PRKD1: variants seen among roughly 807,000 people sequenced by gnomAD.
PRKD1 encodes serine/threonine-protein kinase D1.
In PRKD1, 63 loss-of-function variants were observed where a neutral mutation model predicts 95.9. The ratio of observed to expected loss-of-function variants is 0.66; its 90% confidence interval spans 0.54 to 0.81. The LOEUF is 0.81. Ranked by LOEUF, PRKD1 falls within the 30% of genes least tolerant of loss-of-function variation. The pLI is 0.00. For synonymous variants in PRKD1, 425 were observed against 423.1 expected (o/e 1.00, Z -0.05); for missense variants, 1,048 against 1,165.3 (o/e 0.90, Z 1.47).
intron 16 of PRKD1, among the ~76,000 whole-genome samples, chr14:29,585,947 C>G (rs1594339519): frequency 6.6e-6 from 1 of 152,144 alleles, no homozygotes; most frequent in Non-Finnish European, 1.5e-5. Context: ...CATGACTGTG[C>G]TAAGTAGTGC....
intron 1 of PRKD1, among the ~76,000 whole-genome samples, chr14:29,895,072 C>T (rs1894075457): frequency 6.6e-6 from 1 of 152,220 alleles, no homozygotes; most frequent in Non-Finnish European, 1.5e-5. Flanking sequence ...TGGCTCACGC[C>T]TGTAATCCCA....
chr14:29,832,284 C>T (rs1315778546), intron 1 of PRKD1, among the ~76,000 whole-genome samples: 1 of 152,122 alleles, frequency 6.6e-6, no homozygotes, highest in Non-Finnish European at 1.5e-5. Context: ...TGAAATGTTG[C>T]TCTCATCCTT....
chr14:29,656,537 G>C lies in PRKD1; in HGVS notation c.696+7162C>G, dbSNP rs776128745. 2.6e-4 allele frequency: 394 copies of C among 1,530,348 alleles called. 1 individual carries two copies. In the Middle Eastern group the frequency reaches 3.0e-3, roughly 12 times the overall value. 94.8% of individuals were successfully genotyped at this position (1,530,348 alleles called of 1,614,324 possible). ...GTTGTAAGAGCAAAAAGCAGGCAAA[G>C]GTGCAGAATCAAAGGAGAAAAAGAC... On this transcript the variant is annotated intron_variant, in intron 4 of 17. Coordinates refer to ENST00000331968, the MANE Select transcript of PRKD1 (RefSeq NM_002742.3).
chr14:29,814,839 G>A (rs1890628826), intron 1 of PRKD1, among the ~76,000 whole-genome samples: 3 of 152,152 alleles, frequency 2.0e-5, no homozygotes, highest in Non-Finnish European at 2.9e-5. Context: ...TTAATTAGCT[G>A]TATGCAAAAT....
Position 29,577,030 on chromosome 14 carries a change from T to C in PRKD1, c.*208A>G. On this transcript the variant is annotated 3_prime_UTR_variant, in exon 18 of 18. Coordinates refer to ENST00000331968, the MANE Select transcript of PRKD1 (RefSeq NM_002742.3). ...AACAAGTTTCGTGTTTCAGGGAACT[T>C]TTGTTAATACAACACAGTTGGTCAC... 1.7e-6 allele frequency: 1 copy of C among 599,208 alleles called. No individual in the cohort carries two copies. Among genetic ancestry groups the C allele is most frequent in the South Asian group, 2.1e-5 (1 of 47,254 alleles). The allele number at this position is 599,208 out of a possible 1,614,324, so 37.1% of individuals were successfully genotyped here. A position where few individuals can be genotyped will look rare whatever the true frequency, so the allele number is the denominator to read the frequency against.
At chr14:29,917,882 G>C (rs1894945894) in intron 1 of PRKD1, among the ~76,000 whole-genome samples, 1 of 152,092 alleles carries the variant, frequency 6.6e-6, no homozygotes, top group South Asian at 2.1e-4. Flanking sequence ...TGAAGAGTAT[G>C]ATTATAGCAA....
chr14:29,797,216 T>G (rs925235249), intron 1 of PRKD1, among the ~76,000 whole-genome samples: 1 of 152,138 alleles, frequency 6.6e-6, no homozygotes, highest in African/African-American at 2.4e-5. Context: ...AGGGACTACT[T>G]CAAGAACAGG....
At chr14:29,591,886 T>TTTCCTG (rs1474600119) in intron 16 of PRKD1, among the ~76,000 whole-genome samples, 1 of 152,158 alleles carries the variant, frequency 6.6e-6, no homozygotes, top group Non-Finnish European at 1.5e-5. Context: ...TCTTGATCTA[T>TTTCCTG]TTCTTGTTCT....
intron 1 of PRKD1, among the ~76,000 whole-genome samples, chr14:29,922,764 T>G (rs1895166642): frequency 6.6e-6 from 1 of 152,078 alleles, no homozygotes; most frequent in African/African-American, 2.4e-5. Flanking sequence ...CACACACTTG[T>G]AGTCCCAAAC....
chr14:29,662,509 C>T (rs1882239946), intron 4 of PRKD1, among the ~76,000 whole-genome samples: 1 of 151,986 alleles, frequency 6.6e-6, no homozygotes. Flanking sequence ...AAATTTAGTA[C>T]CTGCCTTCTC....
At chr14:29,905,050 A>C (rs563026192) in intron 1 of PRKD1, among the ~76,000 whole-genome samples, 25 of 152,320 alleles carry the variant, frequency 1.6e-4, no homozygotes, top group African/African-American at 5.8e-4. Flanking sequence ...CACAACGGGA[A>C]TTACTGGACT....
chr14:29,591,856 C>T (rs1164423363), intron 16 of PRKD1, among the ~76,000 whole-genome samples: 1 of 152,036 alleles, frequency 6.6e-6, no homozygotes, highest in African/African-American at 2.4e-5. Context: ...ACATACCACA[C>T]ACTGGAAACA....
chr14:29,602,427 CTTTTTTTT>C (rs11331211), intron 13 of PRKD1, among the ~76,000 whole-genome samples: 1 of 131,438 alleles, frequency 7.6e-6, no homozygotes. Flanking sequence ...CTGTATTCCT[CTTTTTTTT>C]TTTTTTTTTG....
At chr14:29,833,505 A>G (rs1891494447) in intron 1 of PRKD1, among the ~76,000 whole-genome samples, 1 of 152,062 alleles carries the variant, frequency 6.6e-6, no homozygotes, top group African/African-American at 2.4e-5. Flanking sequence ...CTCCTTTAAT[A>G]TATTATATCT....
intron 13 of PRKD1, among the ~76,000 whole-genome samples, chr14:29,605,850 A>G (rs1280444637): frequency 2.6e-5 from 4 of 152,324 alleles, no homozygotes; most frequent in African/African-American, 9.6e-5. Flanking sequence ...CGTGTTCGAC[A>G]TATTTAGTGA....
intron 1 of PRKD1, among the ~76,000 whole-genome samples, chr14:29,846,863 A>C (rs532796799): frequency 6.6e-6 from 1 of 152,314 alleles, no homozygotes; most frequent in African/African-American, 2.4e-5. Flanking sequence ...GATGAACTGG[A>C]TATGGGATAA....
chr14:29,637,200 T>G (rs2139132188), intron 6 of PRKD1, among the ~76,000 whole-genome samples: 1 of 152,278 alleles, frequency 6.6e-6, no homozygotes, highest in Non-Finnish European at 1.5e-5. Context: ...TGACAGAAAT[T>G]TTCACATGAA....
At chr14:29,872,189 TTG>T (rs1893131268) in intron 1 of PRKD1, among the ~76,000 whole-genome samples, 1 of 152,158 alleles carries the variant, frequency 6.6e-6, no homozygotes, top group Non-Finnish European at 1.5e-5. Context: ...CAAACTGAAT[TTG>T]AGGTTGTTTC....
intron 2 of PRKD1, among the ~76,000 whole-genome samples, chr14:29,676,126 T>G (rs749422264): frequency 4.2e-4 from 64 of 151,060 alleles, no homozygotes; most frequent in Admixed American, 4.6e-4. Flanking sequence ...AATAAAAAAT[T>G]TTTAAAAAAG....
Sources: allele counts gnomAD v4.1 joint callset (sites outside exome capture counted in the v4.1 genomes callset), GRCh38; gene constraint gnomAD v4.1.1; transcripts MANE v1.5; gene names NCBI Gene and HGNC (gene_info 2026-07-23, HGNC 2026-07-21).